The following ZNF420 variants were observed in gnomAD, a reference collection of about 807,000 sequenced individuals.
ZNF420 encodes the protein zinc finger protein 420.
ZNF420 carries 31 observed loss-of-function variants against 44.7 expected under a neutral mutation model. The ratio of observed to expected loss-of-function variants is 0.69; its 90% confidence interval spans 0.52 to 0.94. The LOEUF (loss-of-function observed/expected upper bound fraction) is 0.94, where lower values mean the gene tolerates loss of function less well. ZNF420 is among the 40% of genes least tolerant of loss of function. ZNF420 has a pLI of 0.00. For missense variants in ZNF420, 681 were observed against 827.9 expected (o/e 0.82, Z 2.18); for synonymous variants, 245 against 267.4 (o/e 0.92, Z 0.82).
intron 4 of ZNF420, among the ~76,000 whole-genome samples, chr19:37,098,518 G>T (rs376013311): frequency 2.0e-5 from 3 of 152,098 alleles, no homozygotes; most frequent in East Asian, 1.9e-4. Flanking sequence ...TTACTGTTGC[G>T]TTAATAGGTT....
Position 37,121,070 on chromosome 19 carries a change from A to G in ZNF420, c.137-6058A>G, listed in dbSNP as rs945628742. On this transcript the variant is annotated intron_variant, in intron 4 of 4. Coordinates refer to ENST00000337995, the MANE Select transcript of ZNF420 (RefSeq NM_144689.5). ...CTGCCCAAGGTAATTTATAGATTCA[A>G]TGCCATCCCCATCAAGCTACCAATG... is the stretch of plus-strand genomic sequence containing the variant. 5.3e-5 allele frequency among the ~76,000 whole-genome samples: 8 copies of G among 150,968 alleles called. No individual in the cohort carries two copies. In the South Asian group the frequency reaches 6.3e-4, roughly 12 times the overall value.
intron 4 of ZNF420, among the ~76,000 whole-genome samples, chr19:37,123,599 C>CTTTTTTTTTTTTTTTTT (rs762782458): frequency 7.5e-5 from 6 of 80,358 alleles, no homozygotes; most frequent in African/African-American, 2.3e-4. Flanking sequence ...TTACTCTTGT[C>CTTTTTTTTTTTTTTTTT]TTTTTTTTTT....
chr19:37,119,821 T>C (rs1370400373), intron 4 of ZNF420, among the ~76,000 whole-genome samples: 1 of 152,110 alleles, frequency 6.6e-6, no homozygotes, highest in African/African-American at 2.4e-5. Context: ...AAATACAAAC[T>C]ACCATCAGAA....
intron 1 of ZNF420, among the ~76,000 whole-genome samples, chr19:37,066,181 G>A (rs1335755270): frequency 2.0e-5 from 3 of 152,314 alleles, no homozygotes; most frequent in African/African-American, 4.8e-5. Context: ...GGCGGCTCAC[G>A]CCTGTAATCC....
At chr19:37,038,384 A>G (rs560750933) in intron 1 of ZNF420, among the ~76,000 whole-genome samples, 15 of 152,208 alleles carry the variant, frequency 9.9e-5, no homozygotes, top group African/African-American at 3.6e-4. Flanking sequence ...AAATAAGATG[A>G]CAATGTAGTT....
chr19:37,088,955 A>G lies in ZNF420; in HGVS notation c.-80-84A>G, dbSNP rs1489987910. 5 of 669,578 alleles carry G rather than the reference A, an allele frequency of 7.5e-6. No homozygotes were observed. The Admixed American group carries it at 1.2e-4, about 15-fold the overall frequency. 41.5% of individuals were successfully genotyped at this position (669,578 alleles called of 1,614,324 possible). A position where few individuals can be genotyped will look rare whatever the true frequency, so the allele number is the denominator to read the frequency against. The stretch of plus-strand genomic sequence containing the variant: ...TTTGGGGGTGGGAGAAACAGGAAGA[A>G]AAGAACAACAAAGATAATTCCAACT... On this transcript the variant is annotated intron_variant, in intron 2 of 4. Transcript: ENST00000337995.
At chr19:37,015,049 G>A (rs752205355) in intron 1 of ZNF420, among the ~76,000 whole-genome samples, 1 of 152,220 alleles carries the variant, frequency 6.6e-6, no homozygotes, top group Non-Finnish European at 1.5e-5. Context: ...CTCTCTCCCC[G>A]GAGGGGCTTC....
At position 37,127,581 on chromosome 19, in the gene ZNF420, G is replaced by A. The variant is rs1470163284; in HGVS notation, c.590G>A (p.Cys197Tyr). ...RLHTGEKPYA[C>Y]KECGKAFTQS... ...CATACTGGTGAGAAACCCTATGCATGTAAGGAATGTGGGAAGGCCTTTACT... is the reference window on the plus strand; with the variant it reads ...CATACTGGTGAGAAACCCTATGCATATAAGGAATGTGGGAAGGCCTTTACT... Residue 197 changes from cysteine to tyrosine, a missense_variant, in exon 5 of 5, where the codon TGT becomes TAT. By Grantham distance (194) the Cys-to-Tyr change is radical. Coordinates refer to ENST00000337995, the MANE Select transcript of ZNF420 (RefSeq NM_144689.5). The A allele has an allele frequency of 6.2e-7, 1 of 1,614,050 alleles. No individual in the cohort carries two copies.
At chr19:37,070,290 TA>T (rs1260355109) in intron 1 of ZNF420, among the ~76,000 whole-genome samples, 2 of 151,782 alleles carry the variant, frequency 1.3e-5, no homozygotes, top group African/African-American at 4.8e-5. Flanking sequence ...AGAGATTTTA[TA>T]AAAAAAATTG....
Position 37,020,910 on chromosome 19 carries a change from T to C in ZNF420, c.-125+12828T>C, listed in dbSNP as rs555956240. On this transcript the variant is annotated intron_variant, in intron 1 of 4. Transcript: ENST00000587029. ...GAATGGGGAGTCATTGTTTAATAGGTATAGAGTTTCAGTTTTGCAAAATGA... is the reference window on the plus strand; with the variant it reads ...GAATGGGGAGTCATTGTTTAATAGGCATAGAGTTTCAGTTTTGCAAAATGA... Among the ~76,000 whole-genome samples the C allele has an allele frequency of 1.0e-3, 157 of 152,268 alleles. 1 individual carries two copies. The highest frequency in any genetic ancestry group is 6.8e-3 in the Middle Eastern group (2 of 294).
intron 1 of ZNF420, among the ~76,000 whole-genome samples, chr19:37,052,294 A>G (rs1469210996): frequency 6.6e-6 from 1 of 151,830 alleles, no homozygotes; most frequent in Non-Finnish European, 1.5e-5. Flanking sequence ...CAGCACACTG[A>G]TGGGTCTTGA....
At chr19:37,081,013 C>T (rs1023957591) in intron 2 of ZNF420, among the ~76,000 whole-genome samples, 3 of 148,580 alleles carry the variant, frequency 2.0e-5, no homozygotes, top group Admixed American at 1.4e-4. Flanking sequence ...GCCGAGATTG[C>T]GCCACTGCAC....
intron 1 of ZNF420, among the ~76,000 whole-genome samples, chr19:37,056,005 T>G (rs1346106642): frequency 6.6e-6 from 1 of 152,162 alleles, no homozygotes; most frequent in Admixed American, 6.5e-5. Flanking sequence ...AGGGGTTGCC[T>G]GGGGTGGTGT....
At chr19:37,036,008 C>A (rs1967348227) in intron 1 of ZNF420, among the ~76,000 whole-genome samples, 1 of 152,194 alleles carries the variant, frequency 6.6e-6, no homozygotes, top group East Asian at 1.9e-4. Context: ...CCATGGTTCA[C>A]CATTTTATTC....
intron 4 of ZNF420, among the ~76,000 whole-genome samples, chr19:37,102,684 A>G (rs947955482): frequency 2.6e-5 from 4 of 152,174 alleles, no homozygotes; most frequent in African/African-American, 7.2e-5. Context: ...TCCTACCTGA[A>G]TTCCAAAGCT....
chr19:37,057,624 C>T (rs1322644568), intron 1 of ZNF420, among the ~76,000 whole-genome samples: 1 of 152,010 alleles, frequency 6.6e-6, no homozygotes, highest in Non-Finnish European at 1.5e-5. Flanking sequence ...TGGTCTCTGC[C>T]TGGGTCATGT....
In ZNF420 at chr19:37,128,125, TACTC is replaced by T. The variant is rs1454869602; in HGVS notation, c.1136_1139del (p.Thr379AsnfsTer195). 4 of 1,613,902 alleles carry T rather than the reference TACTC, an allele frequency of 2.5e-6. No homozygotes were observed. The highest frequency in any genetic ancestry group is 8.5e-7 in the Non-Finnish European group (1 of 1,179,964). On this transcript the variant is annotated frameshift_variant, in exon 5 of 5. Transcript: ENST00000337995. LOFTEE classifies it high-confidence loss of function. ...AGGCCTTTATCCGTGGCTCACAACT[TACTC>T]AACACCAGAGAATTCACACCAATGA...
chr19:37,111,982 G>A (rs991669439), intron 4 of ZNF420, among the ~76,000 whole-genome samples: 42 of 151,958 alleles, frequency 2.8e-4, no homozygotes, highest in Admixed American at 5.9e-4. Context: ...ACAAACACAG[G>A]AGAATTCCAA....
intron 1 of ZNF420, among the ~76,000 whole-genome samples, chr19:37,012,201 C>T (rs997864928): frequency 1.3e-5 from 2 of 152,174 alleles, no homozygotes; most frequent in African/African-American, 4.8e-5. Context: ...CGCCCGCAGT[C>T]GCCTCTCTCA....
Sources: gnomAD v4.1 joint callset for allele counts (sites outside exome capture counted in the v4.1 genomes callset) on GRCh38, gnomAD v4.1.1 for gene constraint, MANE v1.5 for transcripts, NCBI Gene and HGNC (gene_info 2026-07-23, HGNC 2026-07-21) for gene names.